The following PTPRQ variants were observed in gnomAD, a reference collection of about 807,000 sequenced individuals.
PTPRQ encodes protein tyrosine phosphatase receptor type Q.
Under a neutral mutation model 246.0 loss-of-function variants are expected in PTPRQ, and 199 were observed. The ratio of observed to expected loss-of-function variants is 0.81; its 90% CI spans 0.72 to 0.91. The LOEUF is 0.91. Ranked by LOEUF, PTPRQ falls within the 40% of genes least tolerant of loss-of-function variation. The probability of loss-of-function intolerance (pLI) is 0.00; values close to 1 mark genes in which losing one functional copy is unlikely to be tolerated. For synonymous variants in PTPRQ, 869 were observed against 853.2 expected (o/e 1.02, Z -0.32); for missense variants, 2,624 against 2,528.4 (o/e 1.04, Z -0.81).
intron 16 of PTPRQ, 39 bp from the exon 17 acceptor site, chr12:80,510,284 G>T: frequency 7.1e-7 from 1 of 1,409,218 alleles, no homozygotes; most frequent in Non-Finnish European, 9.3e-7. Flanking sequence ...TCTTATATAT[G>T]TTTAATAAAA....
At chr12:80,564,832 A>G (rs988045774) in intron 25 of PTPRQ, among the ~76,000 whole-genome samples, 1 of 152,180 alleles carries the variant, frequency 6.6e-6, no homozygotes, top group Non-Finnish European at 1.5e-5. Flanking sequence ...GTTCATTGGA[A>G]TTACAGGAGT....
At chr12:80,461,746 G>A (rs1893176777) in intron 6 of PTPRQ, among the ~76,000 whole-genome samples, 1 of 151,116 alleles carries the variant, frequency 6.6e-6, no homozygotes, top group Admixed American at 6.6e-5. Flanking sequence ...TGATAAAATA[G>A]CTGTTGGCTT....
intron 14 of PTPRQ, among the ~76,000 whole-genome samples, chr12:80,499,821 G>A (rs898549039): frequency 6.6e-6 from 1 of 151,716 alleles, no homozygotes; most frequent in Non-Finnish European, 1.5e-5. Flanking sequence ...AATCATAGAT[G>A]TGCAGTTTTC....
At chr12:80,576,113 A>G (rs1897273812) in intron 25 of PTPRQ, among the ~76,000 whole-genome samples, 2 of 152,024 alleles carry the variant, frequency 1.3e-5, no homozygotes, top group South Asian at 4.2e-4. Flanking sequence ...GTATATTTTA[A>G]TCAATAAAGT....
intron 25 of PTPRQ, among the ~76,000 whole-genome samples, chr12:80,557,242 C>T (rs1268117305): frequency 1.3e-5 from 2 of 151,962 alleles, no homozygotes; most frequent in African/African-American, 4.8e-5. Context: ...TGCTCAAATG[C>T]TACCTCTTCA....
chr12:80,674,315 A>T (rs1298861590), intron 43 of PTPRQ, among the ~76,000 whole-genome samples: 2 of 152,152 alleles, frequency 1.3e-5, no homozygotes, highest in Non-Finnish European at 2.9e-5. Context: ...CTGCTAAAAT[A>T]AGTATGAGAA....
chr12:80,521,022 G>C (rs1440637883), intron 17 of PTPRQ, among the ~76,000 whole-genome samples: 1 of 151,836 alleles, frequency 6.6e-6, no homozygotes, highest in Non-Finnish European at 1.5e-5. Flanking sequence ...TCCAGCACCT[G>C]TTGTTTCCTG....
intron 42 of PTPRQ, among the ~76,000 whole-genome samples, chr12:80,670,723 G>A (rs1197381065): frequency 6.6e-6 from 1 of 151,992 alleles, no homozygotes; most frequent in Non-Finnish European, 1.5e-5. Context: ...GAGATTAGAG[G>A]AAAATGTAGT....
intron 38 of PTPRQ, 114 bp from the exon 39 acceptor site, chr12:80,657,871 C>A: frequency 2.9e-6 from 2 of 692,108 alleles, no homozygotes; most frequent in South Asian, 3.6e-5. Context: ...AATTTACCGC[C>A]ATCTGTGAAA....
At chr12:80,548,857 A>T (rs1896384987) in intron 24 of PTPRQ, among the ~76,000 whole-genome samples, 1 of 152,086 alleles carries the variant, frequency 6.6e-6, no homozygotes, top group African/African-American at 2.4e-5. Flanking sequence ...ACCTCTGAGA[A>T]GCTGGGTTAG....
intron 17 of PTPRQ, among the ~76,000 whole-genome samples, chr12:80,524,649 T>C (rs1266226635): frequency 2.6e-5 from 4 of 152,160 alleles, no homozygotes; most frequent in African/African-American, 9.7e-5. Context: ...GGCTTAGGAT[T>C]GTATTTTTAG....
intron 17 of PTPRQ, among the ~76,000 whole-genome samples, chr12:80,522,101 G>A (rs1218161737): frequency 1.3e-5 from 2 of 152,032 alleles, no homozygotes; most frequent in Admixed American, 6.6e-5. Flanking sequence ...TGGATTCCTA[G>A]GTATTTTATT....
At chr12:80,649,699 C>G in intron 37 of PTPRQ, 30 bp downstream of exon 37, 1 of 1,534,004 alleles carries the variant, frequency 6.5e-7, no homozygotes, top group Non-Finnish European at 8.8e-7. Flanking sequence ...CACAACATTG[C>G]AAGACCTCCA....
chr12:80,483,285 C>T lies in PTPRQ; in HGVS notation c.1187-1148C>T, dbSNP rs1466447297. On this transcript the variant is annotated intron_variant, in intron 8 of 44. Coordinates refer to ENST00000644991, the MANE Select transcript of PTPRQ (RefSeq NM_001145026.2). The stretch of plus-strand genomic sequence containing the variant: ...GTAAACTATCGCAAGAACAAAAAAC[C>T]AAACGCCGCATATTCTCACTCATAG... 8.4e-3 allele frequency among the ~76,000 whole-genome samples: 1,190 copies of T among 141,296 alleles called. 13 individuals are homozygous for T. Among genetic ancestry groups the T allele is most frequent in the African/African-American group, 0.03 (1,145 of 37,640 alleles). The allele number at this position is 141,296 out of a possible 152,430, so 92.7% of individuals were successfully genotyped here.
At position 80,493,388 on chromosome 12, in the gene PTPRQ, A is replaced by G. The variant is rs375501727; in HGVS notation, c.1473A>G (p.Ile491Met). 43 of 1,550,148 alleles carry G rather than the reference A, an allele frequency of 2.8e-5. No homozygotes were observed. In the African/African-American group the frequency reaches 4.7e-4, roughly 17 times the overall value. Residue 491 changes from isoleucine (I) to methionine (M), a missense_variant, in exon 10 of 45, where the codon ATA (isoleucine) becomes ATG (methionine). Physicochemically the swap from Ile to Met is conservative, Grantham distance 10. Coordinates refer to ENST00000644991, the MANE Select transcript of PTPRQ (RefSeq NM_001145026.2). ...SSDLHSLATF[I>M]YNSHPDKNFP... Reference sequence around the variant, plus strand: ...ACCTTCACTCACTTGCTACATTTATATATAACAGCCATCCAGATAAAAACT... The same window carrying G: ...ACCTTCACTCACTTGCTACATTTATGTATAACAGCCATCCAGATAAAAACT...
At chr12:80,579,235 T>C (rs958235310) in intron 25 of PTPRQ, among the ~76,000 whole-genome samples, 1 of 152,212 alleles carries the variant, frequency 6.6e-6, no homozygotes, top group East Asian at 1.9e-4. Context: ...TCTCTGTCTG[T>C]TGTTTCTCTG....
chr12:80,626,651 A>C (rs563021335), intron 33 of PTPRQ, among the ~76,000 whole-genome samples: 94 of 152,268 alleles, frequency 6.2e-4, no homozygotes, highest in African/African-American at 2.1e-3. Flanking sequence ...ACCTGCTTTC[A>C]GACCCAGGCA....
chr12:80,642,045 T>A (rs1383393237), intron 35 of PTPRQ, among the ~76,000 whole-genome samples: 1 of 152,040 alleles, frequency 6.6e-6, no homozygotes, highest in East Asian at 1.9e-4. Flanking sequence ...TTTCCTAGAA[T>A]CAGTGACTAG....
chr12:80,593,278 A>G (rs1897863049), intron 26 of PTPRQ, among the ~76,000 whole-genome samples: 1 of 152,196 alleles, frequency 6.6e-6, no homozygotes. Flanking sequence ...AACTCCAATA[A>G]AAGACCACCT....
Sources: gnomAD v4.1 joint callset for allele counts (sites outside exome capture counted in the v4.1 genomes callset) on GRCh38, gnomAD v4.1.1 for gene constraint, MANE v1.5 for transcripts, NCBI Gene and HGNC (gene_info 2026-07-23, HGNC 2026-07-21) for gene names.